CLNK: variants seen among roughly 807,000 people sequenced by gnomAD.
CLNK encodes cytokine-dependent hematopoietic cell linker.
CLNK carries 74 observed loss-of-function variants against 68.6 expected under a neutral mutation model. The observed-to-expected ratio is 1.08, with a 90% confidence interval of 0.89 to 1.31. CLNK has a LOEUF of 1.31. Ranked by LOEUF, CLNK falls within the 50% of genes most tolerant of loss-of-function variation. CLNK has a pLI of 0.00. For synonymous variants in CLNK, 198 were observed against 172.2 expected, an observed-to-expected ratio of 1.15 and a Z score of -1.17; for missense variants, 553 against 515.3, an observed-to-expected ratio of 1.07 and a Z score of -0.71.
intron 2 of CLNK, 31 bp downstream of exon 2, chr4:10,667,828 C>G (rs1174396037): frequency 6.4e-7 from 1 of 1,566,242 alleles, no homozygotes; most frequent in Non-Finnish European, 8.7e-7. Context: ...GAAAAGGGAA[C>G]TGGGGCTCAC....
chr4:10,722,513 T>C, the CLNK span, among the ~76,000 whole-genome samples: 15 of 152,254 alleles, frequency 9.9e-5, no homozygotes, highest in African/African-American at 3.6e-4. Flanking sequence ...TCGATAACTC[T>C]GTTTCTCCAT....
chr4:10,699,494 C>CTCTCTCTCTCTCTATATA, the CLNK span, among the ~76,000 whole-genome samples: 3 of 56,990 alleles, frequency 5.3e-5, no homozygotes, highest in African/African-American at 2.7e-4. Context: ...CTCTCTCTCT[C>CTCTCTCTCTCTCTATATA]TATATATATA....
intron 17 of CLNK, among the ~76,000 whole-genome samples, chr4:10,507,188 A>G (rs940773917): frequency 2.1e-5 from 3 of 143,186 alleles, no homozygotes; most frequent in Non-Finnish European, 4.6e-5. Flanking sequence ...CTCGGCTCAC[A>G]GCAACCTCTG....
chr4:10,608,110 A>G (rs1349649084), intron 2 of CLNK, among the ~76,000 whole-genome samples: 2 of 152,146 alleles, frequency 1.3e-5, no homozygotes, highest in Non-Finnish European at 2.9e-5. Context: ...GTGCTTACCA[A>G]AGCCTCTTGA....
intron 2 of CLNK, among the ~76,000 whole-genome samples, chr4:10,626,229 T>C (rs1722670064): frequency 6.6e-6 from 1 of 152,118 alleles, no homozygotes. Flanking sequence ...ATCTGTGGAG[T>C]GAGGTTTGCT....
the CLNK span, among the ~76,000 whole-genome samples, chr4:10,723,886 G>GAA: frequency 7.3e-6 from 1 of 137,326 alleles, no homozygotes; most frequent in Non-Finnish European, 1.5e-5. Context: ...AGGAGTCAGA[G>GAA]AGAGAGAGAG....
chr4:10,665,298 G>A (rs765245168), intron 2 of CLNK, among the ~76,000 whole-genome samples: 2 of 152,188 alleles, frequency 1.3e-5, no homozygotes, highest in South Asian at 2.1e-4. Flanking sequence ...AAAAGACAAA[G>A]CCACTGAAAG....
chr4:10,700,162 A>G, the CLNK span, among the ~76,000 whole-genome samples: 1 of 152,206 alleles, frequency 6.6e-6, no homozygotes, highest in African/African-American at 2.4e-5. Flanking sequence ...ATAAGGCATA[A>G]TGAGATGAAG....
intron 2 of CLNK, among the ~76,000 whole-genome samples, chr4:10,640,129 T>C (rs572053828): frequency 2.0e-5 from 3 of 152,188 alleles, no homozygotes; most frequent in Non-Finnish European, 4.4e-5. Context: ...TTTAGGGCAT[T>C]GTTGCATGGA....
chr4:10,620,512 G>T lies in CLNK; in HGVS notation c.12-22463C>A, dbSNP rs539243371. 2.0e-4 allele frequency among the ~76,000 whole-genome samples: 30 copies of T among 152,268 alleles called. No individual in the cohort carries two copies. In the South Asian group the frequency reaches 6.2e-3, roughly 32 times the overall value. ...CCATCCCCTTGCATTTTTCTTTAAA[G>T]GTGCCATTCATTCCTCCAAGAGCAT... On this transcript the variant is annotated intron_variant, in intron 2 of 18. Coordinates refer to ENST00000226951, the MANE Select transcript of CLNK (RefSeq NM_052964.4).
chr4:10,667,970 G>T, intron 1 of CLNK, 59 bp from the exon 2 acceptor site: 2 of 968,612 alleles, frequency 2.1e-6, no homozygotes, highest in Non-Finnish European at 3.1e-6. Flanking sequence ...TAATTCTGGG[G>T]AACAAGCCAC....
intron 12 of CLNK, among the ~76,000 whole-genome samples, chr4:10,529,088 C>A (rs1465335242): frequency 6.6e-6 from 1 of 152,074 alleles, no homozygotes; most frequent in African/African-American, 2.4e-5. Context: ...TTATGAAGTC[C>A]ATTTATATAT....
the CLNK span, among the ~76,000 whole-genome samples, chr4:10,706,993 G>A: frequency 2.0e-5 from 3 of 151,682 alleles, no homozygotes; most frequent in African/African-American, 7.3e-5. Context: ...CGTTGGCCAG[G>A]CTGTTCTTGA....
chr4:10,578,292 C>A (rs1327709837), intron 4 of CLNK, among the ~76,000 whole-genome samples: 1 of 152,186 alleles, frequency 6.6e-6, no homozygotes, highest in East Asian at 1.9e-4. Flanking sequence ...GTTTTTAGTG[C>A]TCATTTTTAA....
intron 15 of CLNK, among the ~76,000 whole-genome samples, chr4:10,517,657 A>G (rs1283370032): frequency 2.0e-5 from 3 of 152,220 alleles, no homozygotes; most frequent in African/African-American, 7.2e-5. Flanking sequence ...ATTTCCTATC[A>G]CTTAGATGGT....
At chr4:10,707,825 A>C in the CLNK span, among the ~76,000 whole-genome samples, 23 of 152,288 alleles carry the variant, frequency 1.5e-4, no homozygotes, top group Non-Finnish European at 3.2e-4. Context: ...AGGGGTGTAA[A>C]CAAGACCCAG....
Position 10,558,458 on chromosome 4 carries a change from CA to C in CLNK, c.400-7del. On this transcript the variant is annotated splice_region_variant and splice_polypyrimidine_tract_variant and intron_variant, in intron 7 of 18. Transcript: ENST00000226951. ...TTGGAAATGGGTTTGTCCACCTGTA[CA>C]AGACAATGAGGCACCATTATCTCTT... The C allele has an allele frequency of 6.2e-7, 1 of 1,613,366 alleles. No homozygotes were observed. The highest frequency in any genetic ancestry group is 1.6e-4 in the Middle Eastern group (1 of 6,062).
the CLNK span, among the ~76,000 whole-genome samples, chr4:10,690,850 C>T: frequency 2.0e-5 from 3 of 152,106 alleles, no homozygotes; most frequent in Non-Finnish European, 1.5e-5. Context: ...ACATTGGTAG[C>T]TCTGTTCTAC....
the CLNK span, among the ~76,000 whole-genome samples, chr4:10,709,959 A>G: frequency 6.6e-6 from 1 of 152,152 alleles, no homozygotes; most frequent in East Asian, 1.9e-4. Flanking sequence ...CCTGACCATA[A>G]GAACTCCCCA....
Sources: gnomAD v4.1 joint callset for allele counts (sites outside exome capture counted in the v4.1 genomes callset) on GRCh38, gnomAD v4.1.1 for gene constraint, MANE v1.5 for transcripts, NCBI Gene and HGNC (gene_info 2026-07-23, HGNC 2026-07-21) for gene names.